EMILIN2: variants seen among roughly 807,000 people sequenced by gnomAD.
EMILIN2 encodes the protein EMILIN-2.
EMILIN2 carries 71 observed loss-of-function variants against 87.1 expected under a neutral mutation model. The ratio of observed to expected loss-of-function variants is 0.82; its 90% confidence interval spans 0.67 to 0.99. The LOEUF (loss-of-function observed/expected upper bound fraction) is 0.99, where lower values mean the gene tolerates loss of function less well. EMILIN2 is among the 50% of genes least tolerant of loss of function. The pLI, the probability that EMILIN2 is intolerant of heterozygous loss-of-function variation, is 0.00. For missense variants in EMILIN2, 1,407 were observed against 1,371.8 expected (o/e 1.03, Z -0.40); for synonymous variants, 581 against 563.4 (o/e 1.03, Z -0.44).
intron 2 of EMILIN2, among the ~76,000 whole-genome samples, chr18:2,871,400 T>A (rs1387916023): frequency 6.6e-6 from 1 of 152,200 alleles, no homozygotes; most frequent in Non-Finnish European, 1.5e-5. Flanking sequence ...AGCTGTGCTT[T>A]CAAATGCTAC....
At chr18:2,858,539 A>ATGTGTG (rs1314450029) in intron 2 of EMILIN2, among the ~76,000 whole-genome samples, 1 of 35,220 alleles carries the variant, frequency 2.8e-5, no homozygotes. Flanking sequence ...ATATATATAT[A>ATGTGTG]TATATATATA....
chr18:2,877,779 A>G (rs2076756969), intron 2 of EMILIN2, among the ~76,000 whole-genome samples: 1 of 146,162 alleles, frequency 6.8e-6, no homozygotes, highest in South Asian at 2.1e-4. Flanking sequence ...TTCCATCTCA[A>G]AAAAAAAAAA....
At chr18:2,908,808 C>T in intron 5 of EMILIN2, 135 bp from the exon 6 acceptor site, 2 of 1,038,064 alleles carry the variant, frequency 1.9e-6, no homozygotes, top group Non-Finnish European at 3.0e-6. Flanking sequence ...CAGTGGGTGC[C>T]CTTGTTCTAT....
intron 2 of EMILIN2, among the ~76,000 whole-genome samples, chr18:2,869,438 C>A (rs928459124): frequency 6.6e-6 from 1 of 152,220 alleles, no homozygotes; most frequent in Non-Finnish European, 1.5e-5. Flanking sequence ...CACGTACCCC[C>A]TCCCTGGGAA....
chr18:2,903,242 G>A (rs1012780025), intron 4 of EMILIN2, among the ~76,000 whole-genome samples: 1 of 152,144 alleles, frequency 6.6e-6, no homozygotes, highest in Non-Finnish European at 1.5e-5. Flanking sequence ...TCTGAGCCAG[G>A]GAGACGGTGT....
intron 2 of EMILIN2, among the ~76,000 whole-genome samples, chr18:2,874,513 C>T (rs1271353488): frequency 6.6e-6 from 1 of 152,134 alleles, no homozygotes; most frequent in Middle Eastern, 3.2e-3. Context: ...TGGTGCTGTC[C>T]ATCCCTCCAG....
At chr18:2,906,559 C>T (rs1014630797) in intron 4 of EMILIN2, 3 of 367,130 alleles carry the variant, frequency 8.2e-6, no homozygotes, top group African/African-American at 4.2e-5. Context: ...GCTGGAAACG[C>T]CCCGGCCCCG....
intron 2 of EMILIN2, among the ~76,000 whole-genome samples, chr18:2,862,394 T>C (rs1455991901): frequency 2.0e-5 from 3 of 152,212 alleles, no homozygotes; most frequent in Non-Finnish European, 4.4e-5. Context: ...TCTTATTATT[T>C]TGAGATACGT....
chr18:2,855,917 G>A (rs910443406), intron 2 of EMILIN2, among the ~76,000 whole-genome samples: 1 of 152,162 alleles, frequency 6.6e-6, no homozygotes, highest in African/African-American at 2.4e-5. Flanking sequence ...ATTGTTTGTC[G>A]GTTTGGAATG....
At chr18:2,898,747 G>A (rs982862646) in intron 4 of EMILIN2, among the ~76,000 whole-genome samples, 2 of 152,184 alleles carry the variant, frequency 1.3e-5, no homozygotes, top group Non-Finnish European at 2.9e-5. Context: ...TATTTAACCA[G>A]AAAGCCTGGC....
chr18:2,868,603 G>A (rs1047284259), intron 2 of EMILIN2, among the ~76,000 whole-genome samples: 5 of 152,236 alleles, frequency 3.3e-5, no homozygotes, highest in African/African-American at 9.6e-5. Context: ...AGACCAGCCC[G>A]GCCAACACAG....
intron 3 of EMILIN2, among the ~76,000 whole-genome samples, chr18:2,889,497 C>T (rs1410696022): frequency 6.6e-6 from 1 of 151,984 alleles, no homozygotes; most frequent in Non-Finnish European, 1.5e-5. Flanking sequence ...TGTCCTATTG[C>T]TGCAGGTTTC....
chr18:2,858,567 ATATG>A (rs1251553010), intron 2 of EMILIN2, among the ~76,000 whole-genome samples: 1,039 of 58,686 alleles, frequency 0.018, 67 homozygotes, highest in Non-Finnish European at 0.023. Context: ...ATATATATAT[ATATG>A]TGTGTGTGTG....
intron 2 of EMILIN2, among the ~76,000 whole-genome samples, chr18:2,865,325 G>A (rs2076681207): frequency 6.6e-6 from 1 of 152,138 alleles, no homozygotes; most frequent in Non-Finnish European, 1.5e-5. Flanking sequence ...TTTCTGCTCT[G>A]TTTTTCCCCA....
chr18:2,876,437 A>G (rs184955999), intron 2 of EMILIN2, among the ~76,000 whole-genome samples: 17 of 152,200 alleles, frequency 1.1e-4, no homozygotes, highest in Non-Finnish European at 1.5e-4. Flanking sequence ...TTCATTTTGA[A>G]CACACTGCAT....
intron 2 of EMILIN2, among the ~76,000 whole-genome samples, chr18:2,867,879 G>T (rs1421486410): frequency 3.3e-5 from 5 of 150,918 alleles, no homozygotes; most frequent in Admixed American, 6.6e-5. Flanking sequence ...ACCTCCCAGA[G>T]TGGGTGGTGG....
At chr18:2,889,376 A>G (rs545356685) in intron 3 of EMILIN2, among the ~76,000 whole-genome samples, 2 of 151,782 alleles carry the variant, frequency 1.3e-5, no homozygotes, top group East Asian at 1.9e-4. Context: ...ATCCTCAAGC[A>G]ATCCACCCAC....
Position 2,847,541 on chromosome 18 carries a change from G to A in EMILIN2, c.134+219G>A, listed in dbSNP as rs904296072. ...GGCGCAGAGAGCGTCCCGCAGACCC[G>A]GGCGATCCGAAAACGACTCCCAGGA... On this transcript the variant is annotated intron_variant, in intron 1 of 7. Transcript: ENST00000254528. The surrounding 1 kb of genome is among the most constrained non-coding windows in gnomAD (Gnocchi z 4.5). Among the ~76,000 whole-genome samples, 5 of 152,146 alleles carry A rather than the reference G, an allele frequency of 3.3e-5. No homozygotes were observed. Among genetic ancestry groups the A allele is most frequent in the African/African-American group, 1.2e-4 (5 of 41,452 alleles).
upstream of EMILIN2, chr18:2,846,748 G>C: frequency 1.0e-6 from 1 of 985,414 alleles, no homozygotes; most frequent in Non-Finnish European, 1.2e-6. This position sits in a 1 kb window ranked among gnomAD's most constrained non-coding sequence, Gnocchi z 5.3. Context: ...TCGGAAGGTG[G>C]GAGGCGGAGT....
Sources: gnomAD v4.1 joint callset for allele counts (sites outside exome capture counted in the v4.1 genomes callset) on GRCh38, gnomAD v4.1.1 for gene constraint, Gnocchi (gnomAD v3.1) non-coding constraint, MANE v1.5 for transcripts, NCBI Gene and HGNC (gene_info 2026-07-23, HGNC 2026-07-21) for gene names.